Variants in PDE3B observed in about 807,000 individuals in gnomAD.
PDE3B encodes the protein phosphodiesterase 3B.
In PDE3B, 66 loss-of-function variants were observed where a neutral mutation model predicts 116.8. The observed-to-expected ratio is 0.56, with a 90% CI of 0.46 to 0.69. The LOEUF is 0.69. Ranked by LOEUF, PDE3B falls within the 30% of genes least tolerant of loss-of-function variation. The pLI, the probability that PDE3B is intolerant of heterozygous loss-of-function variation, is 0.00. For missense variants in PDE3B, 1,384 were observed against 1,368.1 expected (o/e 1.01, Z -0.18); for synonymous variants, 595 against 533.6 (o/e 1.12, Z -1.59).
rs1030107198 is a variant in PDE3B, at chr11:14,760,960, A to G, written c.979-10977A>G. Among the ~76,000 whole-genome samples, 92 of 152,168 alleles carry G rather than the reference A, an allele frequency of 6.0e-4. 3 individuals are homozygous for G. Among genetic ancestry groups the G allele is most frequent in the South Asian group, 2.1e-4 (1 of 4,834 alleles). On this transcript the variant is annotated intron_variant, in intron 1 of 15. Coordinates refer to ENST00000282096, the MANE Select transcript of PDE3B (RefSeq NM_000922.4). ...CTCTCTAGCTATTTTGAAATATACAATAAATTGTTCTTAACTGTAATTTTC... is the reference window on the plus strand; with the variant it reads ...CTCTCTAGCTATTTTGAAATATACAGTAAATTGTTCTTAACTGTAATTTTC...
At chr11:14,776,125 C>G (rs1857777151) in intron 2 of PDE3B, 1 of 152,314 alleles carries the variant, frequency 6.6e-6, no homozygotes, top group Non-Finnish European at 1.5e-5. Flanking sequence ...CAAACCTGGT[C>G]TAGGCCCCCA....
At chr11:14,886,139 T>TAA in the PDE3B span, 1 of 551,202 alleles carries the variant, frequency 1.8e-6, no homozygotes. Context: ...AGTCACAGTC[T>TAA]TACCAACAGT....
chr11:14,845,181 G>A (rs1441102423), intron 12 of PDE3B, among the ~76,000 whole-genome samples: 7 of 151,970 alleles, frequency 4.6e-5, no homozygotes, highest in Non-Finnish European at 7.3e-5. Flanking sequence ...CACGGTTCAC[G>A]AAAATCTGCT....
intron 1 of PDE3B, among the ~76,000 whole-genome samples, chr11:14,743,605 G>C (rs181740215): frequency 6.6e-6 from 1 of 152,196 alleles, no homozygotes; most frequent in Admixed American, 6.5e-5. Context: ...TGCCACTGGG[G>C]TATGAAAAGA....
intron 1 of PDE3B, among the ~76,000 whole-genome samples, chr11:14,670,953 T>TG (rs1854347151): frequency 6.6e-6 from 1 of 152,088 alleles, no homozygotes. Flanking sequence ...GTAATACTCT[T>TG]GCATCAGTCT....
At chr11:14,648,650 ACT>A (rs369315600) in intron 1 of PDE3B, among the ~76,000 whole-genome samples, 1 of 152,194 alleles carries the variant, frequency 6.6e-6, no homozygotes, top group East Asian at 1.9e-4. Flanking sequence ...TGATAGAGTC[ACT>A]CTGTTTTAAA....
intron 1 of PDE3B, among the ~76,000 whole-genome samples, chr11:14,684,128 T>A (rs986679742): frequency 2.0e-5 from 3 of 152,234 alleles, no homozygotes; most frequent in Non-Finnish European, 2.9e-5. Context: ...GTAGATTATG[T>A]CAGTCTTCAG....
chr11:14,813,836 T>C (rs1355635400), intron 5 of PDE3B, among the ~76,000 whole-genome samples: 1 of 152,138 alleles, frequency 6.6e-6, no homozygotes, highest in African/African-American at 2.4e-5. Context: ...GGCCAACATC[T>C]CTTGTGAATA....
chr11:14,847,183 C>A (rs574009551), intron 12 of PDE3B, among the ~76,000 whole-genome samples: 3,116 of 152,134 alleles, frequency 0.02, 106 homozygotes, highest in African/African-American at 0.071. Flanking sequence ...AGGATTAAGA[C>A]ACTCACTCAA....
intron 1 of PDE3B, among the ~76,000 whole-genome samples, chr11:14,679,583 G>T (rs536923618): frequency 6.6e-6 from 1 of 151,850 alleles, no homozygotes; most frequent in East Asian, 2.0e-4. Context: ...CTTCACTCGG[G>T]ACCCTTGGTG....
intron 11 of PDE3B, among the ~76,000 whole-genome samples, chr11:14,835,794 CA>C (rs1017942822): frequency 1.5e-4 from 23 of 152,160 alleles, no homozygotes; most frequent in African/African-American, 5.3e-4. Flanking sequence ...CCCATCTCTA[CA>C]AAAAAATTTT....
At chr11:14,852,941 C>T (rs907926115) in intron 12 of PDE3B, among the ~76,000 whole-genome samples, 1 of 151,940 alleles carries the variant, frequency 6.6e-6, no homozygotes, top group African/African-American at 2.4e-5. Flanking sequence ...ATTCACCTTA[C>T]CCCTAGTAAA....
intron 1 of PDE3B, among the ~76,000 whole-genome samples, chr11:14,654,716 A>G: frequency 6.6e-6 from 1 of 152,006 alleles, no homozygotes; most frequent in East Asian, 1.9e-4. Flanking sequence ...GAGTATGTTA[A>G]AAAGTTATAT....
chr11:14,883,529 T>G, the PDE3B span, among the ~76,000 whole-genome samples: 34 of 151,208 alleles, frequency 2.2e-4, 1 homozygote, highest in Non-Finnish European at 4.3e-4. Context: ...ATACAAAAAT[T>G]AATTCAAGAT....
At chr11:14,753,217 T>A (rs1438440758) in intron 1 of PDE3B, among the ~76,000 whole-genome samples, 2 of 152,122 alleles carry the variant, frequency 1.3e-5, no homozygotes, top group South Asian at 4.1e-4. Context: ...TACAAGCATA[T>A]TTTCAGTATA....
intron 5 of PDE3B, among the ~76,000 whole-genome samples, chr11:14,812,171 A>T (rs565396168): frequency 1.1e-4 from 16 of 152,306 alleles, no homozygotes; most frequent in Admixed American, 1.0e-3. Flanking sequence ...ATATTCCAGA[A>T]TTAGATAGTG....
rs1855978293 is a variant in PDE3B, at chr11:14,718,403, T to G, written c.979-53534T>G. 3.5e-5 allele frequency among the ~76,000 whole-genome samples: 5 copies of G among 143,356 alleles called. No individual in the cohort carries two copies. The South Asian group carries it at 9.8e-4, about 28-fold the overall frequency. 94.0% of individuals were successfully genotyped at this position (143,356 alleles called of 152,430 possible). Reference sequence around the variant, plus strand: ...CAAGGATACCCAGGAATTGAACTCATCTCTGCACCAAGTGGACCTAATAGA... The same window carrying G: ...CAAGGATACCCAGGAATTGAACTCAGCTCTGCACCAAGTGGACCTAATAGA... On this transcript the variant is annotated intron_variant, in intron 1 of 15. Coordinates refer to ENST00000282096, the MANE Select transcript of PDE3B (RefSeq NM_000922.4).
intron 1 of PDE3B, among the ~76,000 whole-genome samples, chr11:14,729,166 C>T (rs1856393064): frequency 6.6e-6 from 1 of 152,192 alleles, no homozygotes; most frequent in Admixed American, 6.5e-5. Context: ...TAGATCCCAA[C>T]AGTAAATACA....
At chr11:14,727,516 T>A (rs1350040634) in intron 1 of PDE3B, among the ~76,000 whole-genome samples, 1 of 152,164 alleles carries the variant, frequency 6.6e-6, no homozygotes, top group African/African-American at 2.4e-5. Context: ...AAATGTTTCA[T>A]CTTCTAATTA....
Sources: allele counts gnomAD v4.1 joint callset (sites outside exome capture counted in the v4.1 genomes callset), GRCh38; gene constraint gnomAD v4.1.1; transcripts MANE v1.5; gene names NCBI Gene and HGNC (gene_info 2026-07-23, HGNC 2026-07-21).